Variants in CDKAL1 observed in about 807,000 individuals in gnomAD.
CDKAL1 encodes threonylcarbamoyladenosine tRNA methylthiotransferase.
In CDKAL1, 32 loss-of-function variants were observed where a neutral mutation model predicts 68.2. The observed-to-expected ratio is 0.47, with a 90% CI of 0.35 to 0.63. CDKAL1 has a LOEUF of 0.63. Ranked by LOEUF, CDKAL1 falls within the 30% of genes least tolerant of loss-of-function variation. CDKAL1 has a pLI of 0.00. For synonymous variants in CDKAL1, 234 were observed against 244.3 expected (o/e 0.96, Z 0.39); for missense variants, 606 against 696.7 (o/e 0.87, Z 1.47).
intron 7 of CDKAL1, among the ~76,000 whole-genome samples, chr6:20,768,556 C>T (rs1581541278): frequency 6.6e-6 from 1 of 151,946 alleles, no homozygotes; most frequent in South Asian, 2.1e-4. Flanking sequence ...GTTTGGTGTA[C>T]CTCTATATTT....
At chr6:20,567,415 A>T (rs1042207881) in intron 4 of CDKAL1, among the ~76,000 whole-genome samples, 8 of 152,088 alleles carry the variant, frequency 5.3e-5, no homozygotes, top group African/African-American at 1.9e-4. Context: ...TGAGTCCCTG[A>T]AATTAACTGG....
intron 13 of CDKAL1, among the ~76,000 whole-genome samples, chr6:21,130,443 T>C (rs567562583): frequency 5.6e-4 from 86 of 152,312 alleles, no homozygotes; most frequent in Non-Finnish European, 1.1e-3. Context: ...CAGGCTGGTC[T>C]CAAACTCCTG....
In CDKAL1 at chr6:20,709,708, A is replaced by G. The variant is rs771340737; in HGVS notation, c.372-29811A>G. On this transcript the variant is annotated intron_variant, in intron 5 of 15. Coordinates refer to ENST00000274695, the MANE Select transcript of CDKAL1 (RefSeq NM_017774.3). ...GTTAATTGAACTCATTGTTGTCATA[A>G]GAGACCTAGGTTGGGTCTTTTTATA... is the stretch of plus-strand genomic sequence containing the variant. Among the ~76,000 whole-genome samples, 50 of 152,166 alleles carry G rather than the reference A, an allele frequency of 3.3e-4. 1 individual carries two copies. Among genetic ancestry groups the G allele is most frequent in the Admixed American group, 2.7e-3 (41 of 15,260 alleles).
intron 4 of CDKAL1, among the ~76,000 whole-genome samples, chr6:20,640,547 C>T (rs190295889): frequency 7.9e-5 from 12 of 152,288 alleles, no homozygotes; most frequent in East Asian, 3.9e-4. Context: ...TTACCAAAGG[C>T]CAAGACATGA....
At chr6:20,979,566 C>T (rs563123324) in intron 10 of CDKAL1, among the ~76,000 whole-genome samples, 9 of 151,712 alleles carry the variant, frequency 5.9e-5, no homozygotes, top group East Asian at 5.8e-4. Context: ...ACATGTTTCC[C>T]GGGGGTTCGA....
At chr6:21,112,257 TA>T (rs1342734846) in intron 13 of CDKAL1, among the ~76,000 whole-genome samples, 1 of 152,206 alleles carries the variant, frequency 6.6e-6, no homozygotes, top group East Asian at 1.9e-4. Flanking sequence ...ATTATGTGTT[TA>T]GGGGGAAATC....
At chr6:21,210,940 G>T (rs986289393) in intron 15 of CDKAL1, among the ~76,000 whole-genome samples, 2 of 152,168 alleles carry the variant, frequency 1.3e-5, no homozygotes, top group African/African-American at 4.8e-5. Context: ...CAAGGCAGAG[G>T]CCCCATGCCC....
intron 11 of CDKAL1, among the ~76,000 whole-genome samples, chr6:21,017,675 C>T (rs183558239): frequency 1.6e-4 from 25 of 152,170 alleles, no homozygotes; most frequent in South Asian, 4.2e-4. Context: ...TAATTCTTTA[C>T]GGCTGACTCC....
chr6:21,103,961 G>A (rs965664702), intron 12 of CDKAL1, among the ~76,000 whole-genome samples: 3 of 152,190 alleles, frequency 2.0e-5, no homozygotes, highest in Non-Finnish European at 4.4e-5. Context: ...TTGATAGCAA[G>A]GCTCGACAGG....
At chr6:20,638,673 G>A (rs1218968028) in intron 4 of CDKAL1, among the ~76,000 whole-genome samples, 4 of 150,218 alleles carry the variant, frequency 2.7e-5, no homozygotes, top group East Asian at 3.9e-4. Flanking sequence ...GTGCAGTGGC[G>A]CGATCTCAGC....
intron 8 of CDKAL1, among the ~76,000 whole-genome samples, chr6:20,838,974 CAA>C (rs773185500): frequency 1.5e-4 from 15 of 99,424 alleles, no homozygotes; most frequent in Admixed American, 2.2e-4. Flanking sequence ...GACTCCATCT[CAA>C]AAAAAAAAAA....
At chr6:20,734,120 A>T (rs1046525018) in intron 5 of CDKAL1, among the ~76,000 whole-genome samples, 1 of 150,078 alleles carries the variant, frequency 6.7e-6, no homozygotes, top group African/African-American at 2.4e-5. Flanking sequence ...CTGCACTCCA[A>T]CCTGGGCATC....
intron 8 of CDKAL1, among the ~76,000 whole-genome samples, chr6:20,799,055 T>TTTTTTTG: frequency 8.1e-6 from 1 of 123,550 alleles, no homozygotes; most frequent in African/African-American, 3.2e-5. Context: ...TTTTTTTTTT[T>TTTTTTTG]TTTTTTTTTT....
At chr6:20,890,236 T>A (rs1283286261) in intron 9 of CDKAL1, among the ~76,000 whole-genome samples, 1 of 152,224 alleles carries the variant, frequency 6.6e-6, no homozygotes, top group Non-Finnish European at 1.5e-5. Context: ...GTACACACCA[T>A]GTGTGTTAAT....
chr6:20,829,157 T>C (rs1470709298), intron 8 of CDKAL1, among the ~76,000 whole-genome samples: 1 of 152,222 alleles, frequency 6.6e-6, no homozygotes, highest in African/African-American at 2.4e-5. Flanking sequence ...TATACAAATA[T>C]CTGTTTAAGT....
At chr6:20,854,002 T>G (rs1403663358) in intron 9 of CDKAL1, among the ~76,000 whole-genome samples, 1 of 152,206 alleles carries the variant, frequency 6.6e-6, no homozygotes, top group Non-Finnish European at 1.5e-5. Flanking sequence ...GCTCAGCTGT[T>G]TTTGTTATCA....
At chr6:20,756,951 T>C (rs1561750943) in intron 6 of CDKAL1, among the ~76,000 whole-genome samples, 1 of 147,404 alleles carries the variant, frequency 6.8e-6, no homozygotes, top group African/African-American at 2.5e-5. Context: ...CCTCCTTCCT[T>C]CCTTCCTTTC....
chr6:20,738,486 T>TTG (rs1773297528), intron 5 of CDKAL1, among the ~76,000 whole-genome samples: 1 of 63,322 alleles, frequency 1.6e-5, no homozygotes, highest in African/African-American at 7.7e-5. Context: ...TACTTCTTAG[T>TTG]TTTTTTTTTT....
intron 9 of CDKAL1, among the ~76,000 whole-genome samples, chr6:20,899,103 C>T (rs1012429699): frequency 2.7e-5 from 4 of 148,056 alleles, no homozygotes; most frequent in Admixed American, 1.4e-4. Context: ...CTTGCTCTGT[C>T]GCCCAGGCTG....
Sources: allele counts gnomAD v4.1 joint callset (sites outside exome capture counted in the v4.1 genomes callset), GRCh38; gene constraint gnomAD v4.1.1; transcripts MANE v1.5; gene names NCBI Gene and HGNC (gene_info 2026-07-23, HGNC 2026-07-21).